Variants in SLC24A3 observed in about 807,000 individuals in gnomAD.
The protein encoded by SLC24A3 is sodium/potassium/calcium exchanger 3.
A neutral mutation model predicts 75.8 loss-of-function variants in SLC24A3; 28 were observed. That is an observed-to-expected ratio of 0.37 (90% CI 0.27 to 0.51). The LOEUF is 0.51. Among genes scored for constraint, SLC24A3 ranks in the 20% least tolerant of loss-of-function variants. The pLI, the probability that SLC24A3 is intolerant of heterozygous loss-of-function variation, is 0.94. For synonymous variants in SLC24A3, 372 were observed against 334.1 expected, an observed-to-expected ratio of 1.11 and a Z score of -1.24; for missense variants, 663 against 847.8, an observed-to-expected ratio of 0.78 and a Z score of 2.71.
intron 15 of SLC24A3, among the ~76,000 whole-genome samples, chr20:19,711,307 A>G (rs2032988292): frequency 6.6e-6 from 1 of 151,584 alleles, no homozygotes. Context: ...ACACATGCAC[A>G]CATACAAACG....
intron 2 of SLC24A3, among the ~76,000 whole-genome samples, chr20:19,440,196 A>G (rs2122466363): frequency 6.6e-6 from 1 of 152,352 alleles, no homozygotes; most frequent in African/African-American, 2.4e-5. Flanking sequence ...ATGTAAATTT[A>G]AGAGCAGCAC....
chr20:19,266,868 C>T (rs987302438), intron 1 of SLC24A3, among the ~76,000 whole-genome samples: 16 of 151,934 alleles, frequency 1.1e-4, no homozygotes, highest in African/African-American at 2.4e-4. Flanking sequence ...TTGTAATATA[C>T]GTTATGTATA....
At chr20:19,312,611 A>G (rs190129490) in intron 2 of SLC24A3, among the ~76,000 whole-genome samples, 2,651 of 152,256 alleles carry the variant, frequency 0.017, 43 homozygotes, top group South Asian at 0.028. Context: ...TAGGTTATTA[A>G]TACACCAGTG....
chr20:19,514,564 G>A (rs760750749), intron 2 of SLC24A3, among the ~76,000 whole-genome samples: 13 of 152,156 alleles, frequency 8.5e-5, no homozygotes, highest in East Asian at 1.9e-4. Flanking sequence ...TTCCTGCCGC[G>A]CCTGGTGGGC....
At chr20:19,497,900 C>T (rs1194102435) in intron 2 of SLC24A3, among the ~76,000 whole-genome samples, 1 of 152,118 alleles carries the variant, frequency 6.6e-6, no homozygotes, top group African/African-American at 2.4e-5. Flanking sequence ...GGACCAGTAC[C>T]AATCCCTGGC....
At chr20:19,220,628 A>G (rs1400454799) in intron 1 of SLC24A3, among the ~76,000 whole-genome samples, 1 of 152,228 alleles carries the variant, frequency 6.6e-6, no homozygotes, top group Non-Finnish European at 1.5e-5. Flanking sequence ...AGTCAAGGTG[A>G]TAAGCATTTG....
At chr20:19,431,250 A>T (rs1476742014) in intron 2 of SLC24A3, among the ~76,000 whole-genome samples, 4 of 150,330 alleles carry the variant, frequency 2.7e-5, no homozygotes, top group Non-Finnish European at 5.9e-5. Flanking sequence ...AGAATGAAGG[A>T]TGCAAGGGTT....
At chr20:19,553,501 G>T (rs895409182) in intron 3 of SLC24A3, among the ~76,000 whole-genome samples, 1 of 152,178 alleles carries the variant, frequency 6.6e-6, no homozygotes, top group Non-Finnish European at 1.5e-5. Context: ...TACACTTCAA[G>T]AGGTCATAGT....
rs145855866 is a variant in SLC24A3 at position 19,665,060 on chromosome 20, A to G, written c.688-804A>G. 1.0e-3 allele frequency among the ~76,000 whole-genome samples: 159 copies of G among 152,352 alleles called. 1 individual carries two copies. The highest frequency in any genetic ancestry group is 9.3e-3 in the Admixed American group (142 of 15,304). ...GGTGGGAAATGATTTTAGATGGTAT[A>G]TAGACCAGGACTTCAGTAGATTAAA... On this transcript the variant is annotated intron_variant, in intron 7 of 16. Coordinates refer to ENST00000328041, the MANE Select transcript of SLC24A3 (RefSeq NM_020689.4).
chr20:19,247,833 C>T (rs1982540059), intron 1 of SLC24A3, among the ~76,000 whole-genome samples: 1 of 152,134 alleles, frequency 6.6e-6, no homozygotes, highest in African/African-American at 2.4e-5. Context: ...ATGTGATTTG[C>T]TTTTTAGATG....
At chr20:19,411,698 C>A (rs1375320585) in intron 2 of SLC24A3, among the ~76,000 whole-genome samples, 1 of 152,190 alleles carries the variant, frequency 6.6e-6, no homozygotes, top group African/African-American at 2.4e-5. Context: ...AAGCTTTGGC[C>A]ACCTTTCAGT....
At chr20:19,640,882 AT>A (rs1335993668) in intron 6 of SLC24A3, among the ~76,000 whole-genome samples, 1 of 152,214 alleles carries the variant, frequency 6.6e-6, no homozygotes, top group African/African-American at 2.4e-5. Flanking sequence ...GTCTCCTAAG[AT>A]TGGAGATACA....
chr20:19,558,421 C>G (rs1370598423), intron 3 of SLC24A3, among the ~76,000 whole-genome samples: 2 of 152,062 alleles, frequency 1.3e-5, no homozygotes, highest in Admixed American at 6.5e-5. Context: ...TACATAATCA[C>G]AGTGCAATTA....
Position 19,696,799 on chromosome 20 carries a change from C to T in SLC24A3, c.1494C>T (p.Val498=), listed in dbSNP as rs1332732175. Residue 498 remains valine (V), a splice_region_variant and synonymous_variant, in exon 14 of 17, where the codon GTC becomes GTT. Transcript: ENST00000328041. ...AAFSYMMVWM[V]TIIGYTLGIP... is the part of the protein sequence containing the mutation. ...CCACCTCTTCCTGCTCCTTCTAGGT[C>T]ACAATCATTGGTTACACCCTGGGGA... The T allele has an allele frequency of 1.9e-6, 3 of 1,612,938 alleles. No homozygotes were observed. Among genetic ancestry groups the T allele is most frequent in the South Asian group, 2.2e-5 (2 of 91,014 alleles).
At chr20:19,617,648 T>G (rs2031753333) in intron 6 of SLC24A3, among the ~76,000 whole-genome samples, 1 of 152,210 alleles carries the variant, frequency 6.6e-6, no homozygotes, top group Admixed American at 6.5e-5. Flanking sequence ...GCTTGGGCTT[T>G]CTTTCTGAGG....
chr20:19,463,588 A>T (rs919750009), intron 2 of SLC24A3, among the ~76,000 whole-genome samples: 12 of 152,346 alleles, frequency 7.9e-5, no homozygotes, highest in Non-Finnish European at 1.6e-4. Flanking sequence ...GTCATGGGCC[A>T]TCAGTCAGTT....
intron 6 of SLC24A3, among the ~76,000 whole-genome samples, chr20:19,609,192 C>T (rs1199087166): frequency 1.3e-5 from 2 of 152,110 alleles, no homozygotes; most frequent in African/African-American, 4.8e-5. Flanking sequence ...TATGACCATG[C>T]AGGAAAATGA....
chr20:19,213,284 G>A, intron 1 of SLC24A3: 1 of 194,696 alleles, frequency 5.1e-6, no homozygotes, highest in Non-Finnish European at 1.0e-5. Context: ...TGGTGGCGGT[G>A]GTGGGGAGTC....
At chr20:19,454,782 A>G (rs1046015904) in intron 2 of SLC24A3, among the ~76,000 whole-genome samples, 3 of 152,326 alleles carry the variant, frequency 2.0e-5, no homozygotes, top group Admixed American at 6.5e-5. Flanking sequence ...GGTTAAATGC[A>G]AAGTCCCTCA....
Sources: allele counts gnomAD v4.1 joint callset (sites outside exome capture counted in the v4.1 genomes callset), GRCh38; gene constraint gnomAD v4.1.1; transcripts MANE v1.5; gene names NCBI Gene and HGNC (gene_info 2026-07-23, HGNC 2026-07-21).